STOX2: variants seen among roughly 807,000 people sequenced by gnomAD.
STOX2 encodes the protein storkhead-box protein 2.
In STOX2, 28 loss-of-function variants were observed where a neutral mutation model predicts 60.9. The ratio of observed to expected loss-of-function variants is 0.46; its 90% confidence interval spans 0.34 to 0.63. STOX2 has a LOEUF of 0.63. STOX2 is among the 30% of genes least tolerant of loss of function. STOX2 has a pLI of 0.01. For missense variants in STOX2, 1,024 were observed against 1,187.7 expected, an observed-to-expected ratio of 0.86 and a Z score of 2.03; for synonymous variants, 472 against 463.9, an observed-to-expected ratio of 1.02 and a Z score of -0.22.
intron 1 of STOX2, among the ~76,000 whole-genome samples, chr4:183,931,922 G>T (rs1187240766): frequency 1.3e-5 from 2 of 152,160 alleles, no homozygotes; most frequent in African/African-American, 4.8e-5. Context: ...TTGCATTGTG[G>T]AAGGCAGAGA....
chr4:183,842,974 C>A (rs1739898594), intron 1 of STOX2, among the ~76,000 whole-genome samples: 1 of 151,414 alleles, frequency 6.6e-6, no homozygotes, highest in South Asian at 2.1e-4. Context: ...ATGGCGAAAC[C>A]CCATCTCTAC....
At chr4:183,824,594 A>C (rs745753710) in intron 1 of STOX2, among the ~76,000 whole-genome samples, 5 of 152,220 alleles carry the variant, frequency 3.3e-5, no homozygotes, top group Non-Finnish European at 7.3e-5. Context: ...GATTATAGAA[A>C]AGTTTCTTAA....
At chr4:183,982,273 A>T (rs925347388) in intron 1 of STOX2, among the ~76,000 whole-genome samples, 1 of 152,228 alleles carries the variant, frequency 6.6e-6, no homozygotes, top group Non-Finnish European at 1.5e-5. Context: ...CATGTTCTTC[A>T]CTTCATGTTC....
chr4:183,951,015 A>T (rs1288037711), intron 1 of STOX2, among the ~76,000 whole-genome samples: 1 of 151,932 alleles, frequency 6.6e-6, no homozygotes, highest in African/African-American at 2.4e-5. Context: ...GGAGATCGAG[A>T]CCATCCTGGC....
rs747017395 is a variant in STOX2, at chr4:184,011,557, T to C, written c.2585+134T>C. ...GTTAAGAGTTGTATGAGTTGTATTG[T>C]TAACAATCTGTTTCTGACTTCTTTT... On this transcript the variant is annotated intron_variant, in intron 3 of 3. Coordinates refer to ENST00000308497, the MANE Select transcript of STOX2 (RefSeq NM_020225.3). The surrounding 1 kb of genome is among the most constrained non-coding windows in gnomAD (Gnocchi z 4.4). 9.1e-5 allele frequency: 142 copies of C among 1,555,252 alleles called. No individual in the cohort carries two copies. The highest frequency in any genetic ancestry group is 1.9e-4 in the Admixed American group (10 of 51,502).
chr4:183,968,180 G>A (rs1743632906), intron 1 of STOX2, among the ~76,000 whole-genome samples: 1 of 151,958 alleles, frequency 6.6e-6, no homozygotes, highest in Non-Finnish European at 1.5e-5. Flanking sequence ...TCACACTTTT[G>A]GACTTCACGT....
intron 1 of STOX2, among the ~76,000 whole-genome samples, chr4:183,879,013 T>C (rs190129050): frequency 2.6e-5 from 4 of 152,172 alleles, no homozygotes; most frequent in African/African-American, 9.6e-5. Flanking sequence ...GCCACAGTAA[T>C]GAAAGGACTT....
upstream of STOX2, chr4:183,905,275 A>T: frequency 6.6e-6 from 1 of 152,110 alleles, no homozygotes; most frequent in East Asian, 1.9e-4. Context: ...CGCCGCGCGC[A>T]TTGTTGTCCT....
rs993591629 is a variant in STOX2 at position 183,806,309 on chromosome 4, G to A, written c.364+8254G>A. Among the ~76,000 whole-genome samples, 2 of 152,112 alleles carry A rather than the reference G, an allele frequency of 1.3e-5. No homozygotes were observed. Among genetic ancestry groups the A allele is most frequent in the African/African-American group, 2.4e-5 (1 of 41,418 alleles). On this transcript the variant is annotated intron_variant, in intron 1 of 2. Transcript: ENST00000513034. This position sits in a 1 kb window ranked among gnomAD's most constrained non-coding sequence, Gnocchi z 4.1. ...ACCTCCCCACTCCCCAATAACGTAC[G>A]TTTGGGAAGCACATGATGTCCCTTA...
chr4:183,840,878 T>C (rs904632919), intron 1 of STOX2, among the ~76,000 whole-genome samples: 5 of 151,966 alleles, frequency 3.3e-5, no homozygotes, highest in African/African-American at 1.2e-4. Flanking sequence ...TATTCTGTTA[T>C]TTTTTTTGAG....
intron 1 of STOX2, among the ~76,000 whole-genome samples, chr4:183,891,234 G>A (rs995084926): frequency 4.6e-5 from 7 of 151,154 alleles, no homozygotes; most frequent in Admixed American, 1.3e-4. Context: ...CAGCCCAAAT[G>A]CCCATTAATT....
At chr4:183,972,602 A>T (rs1743776573) in intron 1 of STOX2, among the ~76,000 whole-genome samples, 1 of 152,228 alleles carries the variant, frequency 6.6e-6, no homozygotes, top group South Asian at 2.1e-4. Flanking sequence ...TCTGCACTGA[A>T]GTGACATTCA....
chr4:183,863,805 T>C (rs1191645390), intron 1 of STOX2, among the ~76,000 whole-genome samples: 3 of 152,244 alleles, frequency 2.0e-5, no homozygotes, highest in Admixed American at 6.5e-5. Flanking sequence ...ATTATTATTC[T>C]TTTAATTTTT....
intron 1 of STOX2, among the ~76,000 whole-genome samples, chr4:183,869,725 T>C (rs1740645031): frequency 6.6e-6 from 1 of 152,228 alleles, no homozygotes; most frequent in African/African-American, 2.4e-5. Flanking sequence ...TTTGTGAGAT[T>C]CTGTAACTGT....
At chr4:183,926,301 GATAA>G (rs1188407412) in intron 1 of STOX2, among the ~76,000 whole-genome samples, 1 of 150,868 alleles carries the variant, frequency 6.6e-6, no homozygotes, top group Non-Finnish European at 1.5e-5. Context: ...CACTCAAAAT[GATAA>G]ATAAGTAAAT....
chr4:183,948,438 C>G, intron 1 of STOX2, among the ~76,000 whole-genome samples: 1 of 149,358 alleles, frequency 6.7e-6, no homozygotes, highest in East Asian at 2.0e-4. Context: ...AATTCAACAC[C>G]TAGTTTGGGG....
At chr4:184,014,588 A>G (rs1734292912) in intron 3 of STOX2, 1 of 152,160 alleles carries the variant, frequency 6.6e-6, no homozygotes, top group African/African-American at 2.4e-5. Context: ...AAAAAACAAA[A>G]AACAAAAAAC....
intron 2 of STOX2, among the ~76,000 whole-genome samples, chr4:184,005,234 C>A (rs6828396): frequency 6.6e-6 from 1 of 152,030 alleles, no homozygotes; most frequent in Admixed American, 6.5e-5. Flanking sequence ...CCGAGGTGGG[C>A]GGATCACTTG....
chr4:183,857,471 G>A (rs549921957), intron 1 of STOX2, among the ~76,000 whole-genome samples: 1 of 9,952 alleles, frequency 1.0e-4, no homozygotes, highest in African/African-American at 2.4e-4. Flanking sequence ...CAGTGCCACG[G>A]CTGCCTGGAT....
Sources: gnomAD v4.1 joint callset for allele counts (sites outside exome capture counted in the v4.1 genomes callset) on GRCh38, gnomAD v4.1.1 for gene constraint, Gnocchi (gnomAD v3.1) non-coding constraint, MANE v1.5 for transcripts, NCBI Gene and HGNC (gene_info 2026-07-23, HGNC 2026-07-21) for gene names.